The following ARPP21 variants were observed in gnomAD, a reference collection of about 807,000 sequenced individuals.
The protein encoded by ARPP21 is cAMP regulated phosphoprotein 21, also known as cAMP-regulated phosphoprotein 21.
ARPP21 carries 69 observed loss-of-function variants against 113.2 expected under a neutral mutation model. The observed-to-expected ratio is 0.61, with a 90% CI of 0.50 to 0.74. ARPP21 has a LOEUF of 0.74. Ranked by LOEUF, ARPP21 falls within the 30% of genes least tolerant of loss-of-function variation. The pLI is 0.00. For synonymous variants in ARPP21, 368 were observed against 375.5 expected (o/e 0.98, Z 0.23); for missense variants, 1,070 against 1,037.4 (o/e 1.03, Z -0.43).
intron 15 of ARPP21, among the ~76,000 whole-genome samples, chr3:35,731,074 C>G (rs1405213733): frequency 1.3e-5 from 2 of 152,096 alleles, no homozygotes; most frequent in African/African-American, 2.4e-5. Context: ...GGCTTAAATT[C>G]TTTCACTTTT....
At chr3:35,702,039 A>G (rs1239224718) in intron 9 of ARPP21, among the ~76,000 whole-genome samples, 3 of 151,732 alleles carry the variant, frequency 2.0e-5, no homozygotes, top group Non-Finnish European at 4.4e-5. Context: ...TTTTTAAGCT[A>G]ATAATTTGCA....
intron 15 of ARPP21, among the ~76,000 whole-genome samples, chr3:35,730,793 T>A (rs2093906569): frequency 6.6e-6 from 1 of 152,232 alleles, no homozygotes; most frequent in Non-Finnish European, 1.5e-5. Flanking sequence ...GTTACTTGAA[T>A]AATTGCCACA....
intron 15 of ARPP21, among the ~76,000 whole-genome samples, chr3:35,730,709 A>G (rs188243010): frequency 6.6e-6 from 1 of 152,180 alleles, no homozygotes; most frequent in African/African-American, 2.4e-5. Context: ...AAATTATCTG[A>G]CTCAATCTTC....
chr3:35,685,134 G>A, intron 5 of ARPP21: 1 of 985,478 alleles, frequency 1.0e-6, no homozygotes, highest in Non-Finnish European at 1.2e-6. Context: ...GGCAGAGAAG[G>A]ACAGCCTTTA....
intron 19 of ARPP21, among the ~76,000 whole-genome samples, chr3:35,777,438 TG>T (rs1308455190): frequency 6.6e-6 from 1 of 152,182 alleles, no homozygotes; most frequent in Non-Finnish European, 1.5e-5. Flanking sequence ...AGAACTAGCA[TG>T]GAGCTTGTGA....
At chr3:35,661,375 CA>C (rs1319195742) in intron 1 of ARPP21, among the ~76,000 whole-genome samples, 1 of 136,344 alleles carries the variant, frequency 7.3e-6, no homozygotes, top group African/African-American at 2.5e-5. Context: ...AAATGGCAAA[CA>C]ATGGGACAAA....
chr3:35,665,328 G>A (rs911213575), intron 1 of ARPP21, among the ~76,000 whole-genome samples: 1 of 151,890 alleles, frequency 6.6e-6, no homozygotes, highest in Non-Finnish European at 1.5e-5. Flanking sequence ...AGCGGCCTAA[G>A]CTTTTTTTAA....
At chr3:35,680,646 G>A (rs1176123233) in intron 2 of ARPP21, among the ~76,000 whole-genome samples, 2 of 151,750 alleles carry the variant, frequency 1.3e-5, no homozygotes, top group Non-Finnish European at 2.9e-5. Flanking sequence ...ACTGGGAATG[G>A]GACAGTTATT....
At chr3:35,785,112 A>T (rs757402534) in intron 19 of ARPP21, 25 of 152,104 alleles carry the variant, frequency 1.6e-4, no homozygotes, top group Non-Finnish European at 3.2e-4. Context: ...CTCCATTTTG[A>T]CTTTGCCCCA....
At chr3:35,672,442 C>T (rs1395446362) in intron 1 of ARPP21, among the ~76,000 whole-genome samples, 1 of 151,992 alleles carries the variant, frequency 6.6e-6, no homozygotes, top group East Asian at 1.9e-4. Context: ...ACTTTATTGC[C>T]ACATTAGTTT....
chr3:35,695,246 C>T (rs187421041), intron 9 of ARPP21, among the ~76,000 whole-genome samples: 345 of 151,616 alleles, frequency 2.3e-3, no homozygotes, highest in Middle Eastern at 0.01. Context: ...AGAGATTTTA[C>T]ATTAATACAT....
chr3:35,639,236 GC>G (rs1697432838), upstream of ARPP21, among the ~76,000 whole-genome samples: 1 of 152,090 alleles, frequency 6.6e-6, no homozygotes, highest in South Asian at 2.1e-4. This position sits in a 1 kb window ranked among gnomAD's most constrained non-coding sequence, Gnocchi z 5.0. Flanking sequence ...GGTACCGCGG[GC>G]GCCCGGCGCA....
In ARPP21 at chr3:35,716,490, T is replaced by G. The variant is rs185841992; in HGVS notation, c.936-808T>G. On this transcript the variant is annotated intron_variant, in intron 12 of 20. Coordinates refer to ENST00000684406, the MANE Select transcript of ARPP21 (RefSeq NM_001385562.1). ...TAAACCCCTTAATAGAATAACCTCTTCAGAAGAAGAGATAAAATTGAGAAA... is the reference window on the plus strand; with the variant it reads ...TAAACCCCTTAATAGAATAACCTCTGCAGAAGAAGAGATAAAATTGAGAAA... Among the ~76,000 whole-genome samples the G allele has an allele frequency of 3.2e-3, 480 of 152,118 alleles. 6 individuals carry two copies. The highest frequency in any genetic ancestry group is 0.011 in the African/African-American group (451 of 41,542).
rs753006497 is a variant in ARPP21 at position 35,689,325 on chromosome 3, C to T, written c.425C>T (p.Thr142Met). The change falls in exon 7 of 21, where the codon ACG becomes ATG. Residue 142 changes from threonine (T) to methionine (M), a missense_variant. Transcript: ENST00000684406. ...GTTTCAGATTGCAGCCAAGAATACACGGATTCTACAGGCATAGACTTACAC... is the reference window on the plus strand; with the variant it reads ...GTTTCAGATTGCAGCCAAGAATACATGGATTCTACAGGCATAGACTTACAC... Reference protein sequence around the residue: ...MLSKDCSQEYTDSTGIDLHEF... With the variant: ...MLSKDCSQEYMDSTGIDLHEF... The T allele has an allele frequency of 1.3e-5, 20 of 1,572,254 alleles. No homozygotes were observed. Among genetic ancestry groups the T allele is most frequent in the South Asian group, 6.7e-5 (6 of 90,168 alleles).
intron 15 of ARPP21, among the ~76,000 whole-genome samples, chr3:35,732,570 A>C (rs1174942251): frequency 6.6e-6 from 1 of 152,206 alleles, no homozygotes; most frequent in Non-Finnish European, 1.5e-5. Flanking sequence ...CTCCTTTTGG[A>C]AATTTTTAGC....
At chr3:35,661,326 T>A (rs1205565787) in intron 1 of ARPP21, among the ~76,000 whole-genome samples, 1 of 152,178 alleles carries the variant, frequency 6.6e-6, no homozygotes, top group East Asian at 1.9e-4. Context: ...GAATTTGTGC[T>A]GTTAAAACTT....
intron 13 of ARPP21, among the ~76,000 whole-genome samples, chr3:35,718,097 C>A (rs2092655286): frequency 6.6e-6 from 1 of 152,040 alleles, no homozygotes; most frequent in Non-Finnish European, 1.5e-5. Context: ...GGAATTACTA[C>A]AAGAACAACA....
chr3:35,684,581 G>A (rs1170655576), intron 5 of ARPP21: 8 of 985,360 alleles, frequency 8.1e-6, no homozygotes, highest in East Asian at 2.3e-4. Context: ...TTTTATCAGA[G>A]GCTGGGTGCA....
intron 9 of ARPP21, among the ~76,000 whole-genome samples, chr3:35,700,044 T>C (rs2085696922): frequency 6.6e-6 from 1 of 151,824 alleles, no homozygotes; most frequent in Admixed American, 6.6e-5. Flanking sequence ...ACTCAAAAAA[T>C]ATGAACGGTA....
Sources: allele counts gnomAD v4.1 joint callset (sites outside exome capture counted in the v4.1 genomes callset), GRCh38; gene constraint gnomAD v4.1.1; non-coding constraint Gnocchi (gnomAD v3.1); transcripts MANE v1.5; gene names NCBI Gene and HGNC (gene_info 2026-07-23, HGNC 2026-07-21).